Variants in KRT73 observed in about 807,000 individuals in gnomAD.
The protein encoded by KRT73 is keratin 73.
KRT73 carries 44 observed loss-of-function variants against 47.2 expected under a neutral mutation model. The ratio of observed to expected loss-of-function variants is 0.93; its 90% confidence interval spans 0.73 to 1.20. The LOEUF is 1.20. Ranked by LOEUF, KRT73 falls within the 50% of genes most tolerant of loss-of-function variation. KRT73 has a pLI of 0.00. For missense variants in KRT73, 713 were observed against 704.5 expected (o/e 1.01, Z -0.14); for synonymous variants, 285 against 291.3 (o/e 0.98, Z 0.22).
At chr12:52,610,920 C>T in intron 6 of KRT73, 85 bp from the exon 7 acceptor site, 2 of 1,205,140 alleles carry the variant, frequency 1.7e-6, no homozygotes, top group Non-Finnish European at 2.4e-6. Flanking sequence ...TTGAGCCCTC[C>T]TCTGTCCTGC....
intron 7 of KRT73, chr12:52,610,233 A>G (rs1157646555): frequency 3.7e-6 from 1 of 270,018 alleles, no homozygotes; most frequent in Admixed American, 4.7e-5. Flanking sequence ...GCACCACCAC[A>G]TCCAGCTAAC....
At chr12:52,622,902 G>A (rs1254254262), upstream of KRT73, among the ~76,000 whole-genome samples, 1 of 152,134 alleles carries the variant, frequency 6.6e-6, no homozygotes, top group Non-Finnish European at 1.5e-5. Context: ...TGGAAGAGAG[G>A]ACAATAAAAA....
At position 52,616,194 on chromosome 12, in the gene KRT73, G is replaced by T. The variant is rs116282210; in HGVS notation, c.634C>A (p.Arg212Ser). Residue 212 changes from arginine to serine, a missense_variant, in exon 2 of 9, where the codon CGC (arginine) becomes AGC (serine). Transcript: ENST00000305748. ...VRLDSELRSV[R>S]EVVEDYKKRY... ...TTCTTGTAGTCCTCCACCACTTCGC[G>T]CACGCTCCTCAGCTCCGAGTCCAGC... 6.8e-6 allele frequency: 11 copies of T among 1,613,932 alleles called. No homozygotes were observed. The highest frequency in any genetic ancestry group is 2.7e-5 in the African/African-American group (2 of 74,888).
chr12:52,618,585 G>A, upstream of KRT73: 1 of 1,509,442 alleles, frequency 6.6e-7, no homozygotes, highest in Non-Finnish European at 8.9e-7. Flanking sequence ...CAGTTCACCA[G>A]CCTGTGATCC....
At chr12:52,620,109 C>CTTTTTTTTTTT (rs10638831), upstream of KRT73, among the ~76,000 whole-genome samples, 221 of 94,398 alleles carry the variant, frequency 2.3e-3, 1 homozygote, top group Admixed American at 6.4e-3. Flanking sequence ...TCCTTTTTTT[C>CTTTTTTTTTTT]TTTTTTTTTT....
At chr12:52,622,870 C>A (rs1301599275), upstream of KRT73, among the ~76,000 whole-genome samples, 1 of 151,744 alleles carries the variant, frequency 6.6e-6, no homozygotes, top group Non-Finnish European at 1.5e-5. Flanking sequence ...GAATAAAAGG[C>A]CAGAGGAAAG....
chr12:52,621,079 C>T (rs911399070), upstream of KRT73, among the ~76,000 whole-genome samples: 1 of 152,132 alleles, frequency 6.6e-6, no homozygotes, highest in Non-Finnish European at 1.5e-5. Context: ...ATCCCTAGCA[C>T]CTGTCATTGA....
intron 1 of KRT73, among the ~76,000 whole-genome samples, chr12:52,616,968 A>T (rs1171192118): frequency 6.6e-6 from 1 of 152,120 alleles, no homozygotes; most frequent in Non-Finnish European, 1.5e-5. Flanking sequence ...CAACCTACAA[A>T]TATATCATTC....
chr12:52,614,700 C>A (rs1940776622), intron 3 of KRT73, 26 bp from the exon 4 acceptor site: 2 of 1,593,284 alleles, frequency 1.3e-6, no homozygotes, highest in Non-Finnish European at 1.7e-6. Flanking sequence ...ATACCCCTGA[C>A]CTCACCTTTC....
chr12:52,614,943 C>T, intron 3 of KRT73: 1 of 523,036 alleles, frequency 1.9e-6, no homozygotes, highest in Non-Finnish European at 3.4e-6. Flanking sequence ...ATTCAGCCAA[C>T]AGAGGGAGGC....
chr12:52,610,202 A>G, intron 7 of KRT73: 1 of 209,752 alleles, frequency 4.8e-6, no homozygotes, highest in Middle Eastern at 2.0e-3. Context: ...CAGCCTCCCA[A>G]GTAGCTAAGA....
chr12:52,620,169 A>G (rs1340437269), upstream of KRT73, among the ~76,000 whole-genome samples: 6 of 133,844 alleles, frequency 4.5e-5, no homozygotes, highest in African/African-American at 1.8e-4. Flanking sequence ...GCTGGAGTGC[A>G]ATAGCATGAT....
chr12:52,610,358 C>G (rs918299964), intron 7 of KRT73: 15 of 459,678 alleles, frequency 3.3e-5, no homozygotes, highest in African/African-American at 3.0e-4. Flanking sequence ...ATTACAGGCA[C>G]GAACCACTGC....
chr12:52,615,609 A>G (rs889509965), intron 2 of KRT73, among the ~76,000 whole-genome samples: 5 of 152,054 alleles, frequency 3.3e-5, no homozygotes, highest in Non-Finnish European at 7.4e-5. Context: ...CCCACTCAGT[A>G]TCTGAATCAC....
chr12:52,612,018 C>T (rs2120864578), intron 5 of KRT73, among the ~76,000 whole-genome samples: 1 of 152,322 alleles, frequency 6.6e-6, no homozygotes, highest in South Asian at 2.1e-4. Flanking sequence ...GAATGGATGA[C>T]AGAGACTTTT....
At chr12:52,621,418 G>C (rs1317540252), upstream of KRT73, among the ~76,000 whole-genome samples, 1 of 152,076 alleles carries the variant, frequency 6.6e-6, no homozygotes, top group African/African-American at 2.4e-5. Context: ...CAACTAGAAA[G>C]ATGAAGTAGA....
At chr12:52,615,115 A>G in intron 3 of KRT73, 164 bp downstream of exon 3, 1 of 602,576 alleles carries the variant, frequency 1.7e-6, no homozygotes, top group Non-Finnish European at 3.0e-6. Flanking sequence ...GTGCTAAACC[A>G]ACACCAGGTG....
At chr12:52,623,617 A>T in the KRT73 span, among the ~76,000 whole-genome samples, 1 of 152,170 alleles carries the variant, frequency 6.6e-6, no homozygotes, top group South Asian at 2.1e-4. Context: ...ATTATGTTCA[A>T]TGGTTGAGGC....
chr12:52,610,529 G>GGGGGGGGGCCCCCCCC, intron 7 of KRT73, 86 bp downstream of exon 7: 1 of 295,156 alleles, frequency 3.4e-6, no homozygotes, highest in Non-Finnish European at 6.8e-6. Flanking sequence ...CCAGCTCGCC[G>GGGGGGGGGCCCCCCCC]CCCCCTCCCC....
Sources: gnomAD v4.1 joint callset for allele counts (sites outside exome capture counted in the v4.1 genomes callset) on GRCh38, gnomAD v4.1.1 for gene constraint, MANE v1.5 for transcripts, NCBI Gene and HGNC (gene_info 2026-07-23, HGNC 2026-07-21) for gene names.